Variants in DES observed in about 807,000 individuals in gnomAD.
DES encodes desmin.
Under a neutral mutation model 55.1 loss-of-function variants are expected in DES, and 34 were observed. That is an observed-to-expected ratio of 0.62 (90% CI 0.47 to 0.82). DES has a LOEUF of 0.82. Among genes scored for constraint, DES ranks in the 40% least tolerant of loss-of-function variants. The pLI, the probability that DES is intolerant of heterozygous loss-of-function variation, is 0.00. For synonymous variants in DES, 259 were observed against 270.8 expected, an observed-to-expected ratio of 0.96 and a Z score of 0.43; for missense variants, 596 against 645.9, an observed-to-expected ratio of 0.92 and a Z score of 0.84.
rs1458671430 is a variant in DES at position 219,420,029 on chromosome 2, G to A, written c.579-66G>A. On this transcript the variant is annotated intron_variant, in intron 1 of 8. Transcript: ENST00000373960. This position sits in a 1 kb window ranked among gnomAD's most constrained non-coding sequence, Gnocchi z 6.0. ...TGGACCCACCCCCTGGTCAGCCCCC[G>A]GCCAGTCGTTTCCACTGCCAGCTTT... The A allele has an allele frequency of 8.3e-6, 13 of 1,566,646 alleles. No individual in the cohort carries two copies. The highest frequency in any genetic ancestry group is 4.1e-5 in the African/African-American group (3 of 73,760).
chr2:219,422,654 T>G (rs187557014), intron 6 of DES, among the ~76,000 whole-genome samples: 3 of 151,828 alleles, frequency 2.0e-5, no homozygotes, highest in African/African-American at 7.3e-5. Flanking sequence ...TTAGTAGAGA[T>G]GAGGTTTCAC....
intron 6 of DES, among the ~76,000 whole-genome samples, chr2:219,422,078 G>A (rs1954456136): frequency 6.6e-6 from 1 of 152,134 alleles, no homozygotes; most frequent in Non-Finnish European, 1.5e-5. Context: ...AGAAATATAA[G>A]TATTCCCTTA....
chr2:219,418,520 G>T lies in DES; in HGVS notation c.58G>T (p.Gly20Trp). Residue 20 changes from glycine (G) to tryptophan (W), a missense_variant, in exon 1 of 9, where the codon GGG (glycine) becomes TGG (tryptophan). Transcript: ENST00000373960. The stretch of plus-strand genomic sequence containing the variant: ...GTCCTCCTACCGCCGCACCTTCGGC[G>T]GGGCCCCGGGCTTCCCACTCGGCTC... ...RVSSYRRTFG[G>W]APGFPLGSPL... is the part of the protein sequence containing the mutation. 2 of 1,603,152 alleles carry T rather than the reference G, an allele frequency of 1.2e-6. No homozygotes were observed. The highest frequency in any genetic ancestry group is 1.7e-6 in the Non-Finnish European group (2 of 1,176,436).
Position 219,420,283 on chromosome 2 carries a change from C to T in DES, c.672C>T (p.Asp224=). 1.2e-6 allele frequency: 2 copies of T among 1,614,206 alleles called. No individual in the cohort carries two copies. Among genetic ancestry groups the T allele is most frequent in the East Asian group, 2.2e-5 (1 of 44,870 alleles). Residue 224 remains aspartate, a synonymous_variant, in exon 3 of 9, where the codon GAC becomes GAT. Transcript: ENST00000373960. This position sits in a 1 kb window ranked among gnomAD's most constrained non-coding sequence, Gnocchi z 6.0. ...DVDAATLARI[D]LERRIESLNE... ...ATGCAGCTACTCTAGCTCGCATTGA[C>T]CTGGAGCGCAGAATTGAATCTCTCA...
intron 7 of DES, 93 bp from the exon 8 acceptor site, chr2:219,425,570 C>T: frequency 1.8e-6 from 2 of 1,115,522 alleles, no homozygotes. Flanking sequence ...TCTGCTAGGG[C>T]TCTGCCCAAT....
In DES at chr2:219,420,285, T is replaced by C; in HGVS notation, c.674T>C (p.Leu225Pro). ...VDAATLARID[L>P]ERRIESLNEE... ...GCAGCTACTCTAGCTCGCATTGACCTGGAGCGCAGAATTGAATCTCTCAAC... is the reference window on the plus strand; with the variant it reads ...GCAGCTACTCTAGCTCGCATTGACCCGGAGCGCAGAATTGAATCTCTCAAC... The change falls in exon 3 of 9, where the codon CTG (leucine) becomes CCG (proline). Residue 225 changes from leucine to proline, a missense_variant. Physicochemically the swap from Leu to Pro is moderately conservative, Grantham distance 98. Coordinates refer to ENST00000373960, the MANE Select transcript of DES (RefSeq NM_001927.4). This position sits in a 1 kb window ranked among gnomAD's most constrained non-coding sequence, Gnocchi z 6.0. 6.2e-7 allele frequency: 1 copy of C among 1,614,246 alleles called. No homozygotes were observed. Among genetic ancestry groups the C allele is most frequent in the African/African-American group, 1.3e-5 (1 of 75,068 alleles).
rs1475674849 is a variant in DES at position 219,421,421 on chromosome 2, C to T, written c.1105C>T (p.Arg369Cys). ...CAGTGGCTACCAGGACAACATTGCG[C>T]GCCTGGAGGAGGAAATCCGGCACCT... Reference protein sequence around the residue: ...EASGYQDNIARLEEEIRHLKD... With the variant: ...EASGYQDNIACLEEEIRHLKD... Residue 369 changes from arginine to cysteine, a missense_variant, in exon 6 of 9, where the codon CGC (arginine) becomes TGC (cysteine). By Grantham distance (180) the Arg-to-Cys change is radical. Coordinates refer to ENST00000373960, the MANE Select transcript of DES (RefSeq NM_001927.4). 1.1e-5 allele frequency: 17 copies of T among 1,613,900 alleles called. No individual in the cohort carries two copies. Among genetic ancestry groups the T allele is most frequent in the South Asian group, 3.3e-5 (3 of 91,076 alleles).
intron 8 of DES, 36 bp downstream of exon 8, chr2:219,425,781 G>A: frequency 1.2e-6 from 2 of 1,607,354 alleles, no homozygotes; most frequent in Middle Eastern, 1.7e-4. Flanking sequence ...CCCTTGGTGG[G>A]GGCTATGGAT....
Position 219,418,974 on chromosome 2 carries a change from AC to A in DES, c.514del (p.Gln172SerfsTer29). On this transcript the variant is annotated frameshift_variant, in exon 1 of 9. Coordinates refer to ENST00000373960, the MANE Select transcript of DES (RefSeq NM_001927.4). LOFTEE classifies it high-confidence loss of function. ...ELRRQVEVLT[N>X]QRARVDVERD... Reference sequence around the variant, plus strand: ...CGGCGCCAGGTGGAGGTGCTCACTAACCAGCGCGCGCGCGTCGACGTCGAGC... The same window carrying A: ...CGGCGCCAGGTGGAGGTGCTCACTAACAGCGCGCGCGCGTCGACGTCGAGC... 1 of 1,553,934 alleles carries A rather than the reference AC, an allele frequency of 6.4e-7. No individual in the cohort carries two copies. Among genetic ancestry groups the A allele is most frequent in the Non-Finnish European group, 8.7e-7 (1 of 1,149,164 alleles).
In DES at chr2:219,419,007, AC is replaced by A; in HGVS notation, c.547del (p.Leu183CysfsTer18). The A allele has an allele frequency of 6.5e-7, 1 of 1,546,782 alleles. No individual in the cohort carries two copies. The highest frequency in any genetic ancestry group is 2.4e-5 in the East Asian group (1 of 40,942). ...GCGCGCGTCGACGTCGAGCGCGACA[AC>A]CTGCTCGACGACCTGCAGCGGCTCA... ...QRARVDVERD[N>X]LLDDLQRLKA... On this transcript the variant is annotated frameshift_variant, in exon 1 of 9. Coordinates refer to ENST00000373960, the MANE Select transcript of DES (RefSeq NM_001927.4). LOFTEE classifies it high-confidence loss of function. This position sits in a 1 kb window ranked among gnomAD's most constrained non-coding sequence, Gnocchi z 4.3.
chr2:219,419,148 A>G lies in DES; in HGVS notation c.578+108A>G. The G allele has an allele frequency of 6.6e-7, 1 of 1,526,360 alleles. No individual in the cohort carries two copies. Among genetic ancestry groups the G allele is most frequent in the Non-Finnish European group, 8.8e-7 (1 of 1,142,342 alleles). 94.6% of individuals were successfully genotyped at this position (1,526,360 alleles called of 1,614,324 possible). ...CACCTGCCTTCTCCCGGGGCCCGGG[A>G]CCCTCTCCTGCCCCATGTGGAGAAA... is the stretch of plus-strand genomic sequence containing the variant. On this transcript the variant is annotated intron_variant, in intron 1 of 8. Coordinates refer to ENST00000373960, the MANE Select transcript of DES (RefSeq NM_001927.4). This position sits in a 1 kb window ranked among gnomAD's most constrained non-coding sequence, Gnocchi z 4.3.
At position 219,420,729 on chromosome 2, in the gene DES, C is replaced by T; in HGVS notation, c.897+73C>T. ...AGCTTGGATGTGCTGCCTGTGGTAC[C>T]ATCCATGGGAGGAGAGCCCAGAGGC... On this transcript the variant is annotated intron_variant, in intron 4 of 8. Transcript: ENST00000373960. The surrounding 1 kb of genome is among the most constrained non-coding windows in gnomAD (Gnocchi z 6.0). 1 of 1,613,594 alleles carries T rather than the reference C, an allele frequency of 6.2e-7. No individual in the cohort carries two copies. The highest frequency in any genetic ancestry group is 8.5e-7 in the Non-Finnish European group (1 of 1,179,710).
rs958037113 is a variant in DES at position 219,419,565 on chromosome 2, C to T, written c.578+525C>T. 1.3e-5 allele frequency among the ~76,000 whole-genome samples: 2 copies of T among 152,108 alleles called. No homozygotes were observed. The highest frequency in any genetic ancestry group is 4.8e-5 in the African/African-American group (2 of 41,434). ...CCCTGGGGCCTTGCCGAGACTGTGT[C>T]TTTTTACAAGGTGAATGGACAGGCT... On this transcript the variant is annotated intron_variant, in intron 1 of 8. Coordinates refer to ENST00000373960, the MANE Select transcript of DES (RefSeq NM_001927.4). The surrounding 1 kb of genome is among the most constrained non-coding windows in gnomAD (Gnocchi z 4.3).
chr2:219,425,465 G>A (rs112960664), intron 7 of DES, 198 bp from the exon 8 acceptor site: 338 of 612,360 alleles, frequency 5.5e-4, no homozygotes, highest in African/African-American at 5.0e-3. Flanking sequence ...TGGGACAGGC[G>A]CTGGGGACTG....
intron 6 of DES, 93 bp from the exon 7 acceptor site, chr2:219,423,684 C>T (rs1954483945): frequency 1.6e-6 from 2 of 1,255,784 alleles, no homozygotes; most frequent in East Asian, 4.8e-5. Context: ...GGTGATCCGC[C>T]CGCCTCGGCC....
Position 219,426,019 on chromosome 2 carries a change from G to A in DES, c.*29G>A, listed in dbSNP as rs747305981. 3.7e-5 allele frequency: 59 copies of A among 1,613,356 alleles called. No individual in the cohort carries two copies. Among genetic ancestry groups the A allele is most frequent in the Middle Eastern group, 1.6e-4 (1 of 6,084 alleles). On this transcript the variant is annotated 3_prime_UTR_variant, in exon 9 of 9. Coordinates refer to ENST00000373960, the MANE Select transcript of DES (RefSeq NM_001927.4). This position sits in a 1 kb window ranked among gnomAD's most constrained non-coding sequence, Gnocchi z 4.5. ...CAGAGACCCTCTGCCACCAGAGACC[G>A]TCCTCACCCCTGTCCTCACTGCTCC...
intron 5 of DES, 136 bp downstream of exon 5, chr2:219,421,089 C>T: frequency 7.5e-7 from 1 of 1,327,174 alleles, no homozygotes; most frequent in Non-Finnish European, 1.0e-6. Flanking sequence ...TAAAACCAGA[C>T]AAGTGGATTC....
In DES at chr2:219,419,516, A is replaced by C. The variant is rs964732524; in HGVS notation, c.578+476A>C. Among the ~76,000 whole-genome samples the C allele has an allele frequency of 1.4e-5, 1 of 71,554 alleles. No individual in the cohort carries two copies. Among genetic ancestry groups the C allele is most frequent in the East Asian group, 3.6e-4 (1 of 2,814 alleles). The allele number at this position is 71,554 out of a possible 152,430, so 46.9% of individuals were successfully genotyped here. A position where few individuals can be genotyped will look rare whatever the true frequency, so the allele number is the denominator to read the frequency against. On this transcript the variant is annotated intron_variant, in intron 1 of 8. Transcript: ENST00000373960. The surrounding 1 kb of genome is among the most constrained non-coding windows in gnomAD (Gnocchi z 4.3). The stretch of plus-strand genomic sequence containing the variant: ...CTCAGCTGTGATGAGGCCCTGGGGG[A>C]GGTGGGGGGAGGGGGGAGCTTGGCC...
At position 219,420,028 on chromosome 2, in the gene DES, C is replaced by T. The variant is rs533963993; in HGVS notation, c.579-67C>T. 3.9e-5 allele frequency: 62 copies of T among 1,570,520 alleles called. No individual in the cohort carries two copies. The highest frequency in any genetic ancestry group is 6.7e-5 in the East Asian group (3 of 44,628). ...CTGGACCCACCCCCTGGTCAGCCCC[C>T]GGCCAGTCGTTTCCACTGCCAGCTT... On this transcript the variant is annotated intron_variant, in intron 1 of 8. Coordinates refer to ENST00000373960, the MANE Select transcript of DES (RefSeq NM_001927.4). This position sits in a 1 kb window ranked among gnomAD's most constrained non-coding sequence, Gnocchi z 6.0.
Sources: gnomAD v4.1 joint callset for allele counts (sites outside exome capture counted in the v4.1 genomes callset) on GRCh38, gnomAD v4.1.1 for gene constraint, Gnocchi (gnomAD v3.1) non-coding constraint, MANE v1.5 for transcripts, NCBI Gene and HGNC (gene_info 2026-07-23, HGNC 2026-07-21) for gene names.